The following MFN1 variants were observed in gnomAD, a reference collection of about 807,000 sequenced individuals.
MFN1 encodes mitofusin-1.
In MFN1, 65 loss-of-function variants were observed where a neutral mutation model predicts 92.4. The observed-to-expected ratio is 0.70, with a 90% confidence interval of 0.58 to 0.86. The LOEUF is 0.86. Among genes scored for constraint, MFN1 ranks in the 40% least tolerant of loss-of-function variants. The pLI, the probability that MFN1 is intolerant of heterozygous loss-of-function variation, is 0.00. For missense variants in MFN1, 781 were observed against 868.0 expected (o/e 0.90, Z 1.26); for synonymous variants, 297 against 300.9 (o/e 0.99, Z 0.13).
chr3:179,387,391 CAA>C (rs1713725793), intron 16 of MFN1, among the ~76,000 whole-genome samples: 1 of 151,824 alleles, frequency 6.6e-6, no homozygotes, highest in African/African-American at 2.4e-5. Context: ...ACTAAAAACA[CAA>C]AAATTAGCCG....
At chr3:179,348,273 ATTGT>A (rs1016819510) in intron 1 of MFN1, among the ~76,000 whole-genome samples, 3 of 152,110 alleles carry the variant, frequency 2.0e-5, no homozygotes, top group African/African-American at 7.2e-5. Context: ...TTAGACCGTG[ATTGT>A]TTGTCTTTGG....
intron 7 of MFN1, among the ~76,000 whole-genome samples, chr3:179,365,814 T>C (rs1488117016): frequency 6.6e-6 from 1 of 152,250 alleles, no homozygotes; most frequent in African/African-American, 2.4e-5. Context: ...TTTAACGTGT[T>C]TGTCATATGT....
intron 3 of MFN1, among the ~76,000 whole-genome samples, chr3:179,356,349 G>A (rs978487485): frequency 2.0e-5 from 3 of 152,230 alleles, no homozygotes; most frequent in Admixed American, 2.0e-4. Context: ...TGGTTACGCT[G>A]GGAGAGTGGC....
At chr3:179,364,101 T>C (rs975492902) in intron 5 of MFN1, among the ~76,000 whole-genome samples, 196 bp from the exon 6 acceptor site, 2 of 152,152 alleles carry the variant, frequency 1.3e-5, no homozygotes, top group Non-Finnish European at 2.9e-5. Context: ...AGCATAAACA[T>C]TAAAAAGATT....
rs767544210 is a variant in MFN1 at position 179,386,491 on chromosome 3, T to A, written c.1874T>A (p.Leu625Ter). The A allele has an allele frequency of 6.2e-7, 1 of 1,613,980 alleles. No homozygotes were observed. The highest frequency in any genetic ancestry group is 2.2e-5 in the East Asian group (1 of 44,886). ...LSVSLTMYGA[L>*]YLYERLSWTT... Reference sequence around the variant, plus strand: ...GTTTCATTAACTATGTATGGAGCTTTGTATCTTTATGAAAGACTGAGCTGG... The same window carrying A: ...GTTTCATTAACTATGTATGGAGCTTAGTATCTTTATGAAAGACTGAGCTGG... The change falls in exon 16 of 18, where the codon TTG becomes TAG. Residue 625 changes from leucine (L) to a stop codon, truncating the protein, a stop_gained. Transcript: ENST00000471841. LOFTEE classifies it high-confidence loss of function.
At chr3:179,378,042 A>G (rs538601767) in intron 12 of MFN1, among the ~76,000 whole-genome samples, 1 of 152,236 alleles carries the variant, frequency 6.6e-6, no homozygotes, top group East Asian at 1.9e-4. Flanking sequence ...CCTGGGCAAC[A>G]AGAGCAAAAC....
At chr3:179,379,617 G>T (rs939418709) in intron 14 of MFN1, among the ~76,000 whole-genome samples, 2 of 152,294 alleles carry the variant, frequency 1.3e-5, no homozygotes, top group South Asian at 4.1e-4. Context: ...GCCTCCCAAA[G>T]TGTTGGGATT....
Position 179,351,927 on chromosome 3 carries a change from G to A in MFN1, c.140G>A (p.Arg47Gln), listed in dbSNP as rs187323205. The A allele has an allele frequency of 6.9e-5, 110 of 1,604,570 alleles. No individual in the cohort carries two copies. In the East Asian group the frequency reaches 2.2e-3, roughly 32 times the overall value. Reference protein sequence around the residue: ...EATYKNPELDRIATEDDLVEM... With the variant: ...EATYKNPELDQIATEDDLVEM... ...ACATATAAGAATCCGGAACTTGATC[G>A]AATAGCCACTGAAGATGATCTGGTA... Residue 47 changes from arginine (R) to glutamine (Q), a missense_variant, in exon 3 of 18, where the codon CGA becomes CAA. Coordinates refer to ENST00000471841, the MANE Select transcript of MFN1 (RefSeq NM_033540.3).
At chr3:179,373,103 A>G (rs992811908) in intron 9 of MFN1, among the ~76,000 whole-genome samples, 1 of 152,212 alleles carries the variant, frequency 6.6e-6, no homozygotes, top group South Asian at 2.1e-4. Context: ...GAAAAAATGA[A>G]GCTAGGCAAT....
chr3:179,365,229 AG>A lies in MFN1; in HGVS notation c.753+5del, dbSNP rs760129151. ...AGAGCCAGAATATATGGAAGACGTA[AG>A]TTGTTATTTTTTTTTTTGTAGGTTT... On this transcript the variant is annotated splice_donor_5th_base_variant and intron_variant, in intron 7 of 17. Transcript: ENST00000471841. 4 of 1,508,200 alleles carry A rather than the reference AG, an allele frequency of 2.7e-6. No individual in the cohort carries two copies. The highest frequency in any genetic ancestry group is 8.9e-7 in the Non-Finnish European group (1 of 1,129,092). 93.4% of individuals were successfully genotyped at this position (1,508,200 alleles called of 1,614,324 possible).
Position 179,384,469 on chromosome 3 carries a change from A to T in MFN1, c.1663-1100A>T, listed in dbSNP as rs1287295433. ...ATCTTCTTTTGTGAAATGTCTATTC[A>T]AAGCTTTTACCTATTTTTAAATTAT... On this transcript the variant is annotated intron_variant, in intron 14 of 17. Transcript: ENST00000471841. Among the ~76,000 whole-genome samples, 3 of 150,734 alleles carry T rather than the reference A, an allele frequency of 2.0e-5. No homozygotes were observed. The East Asian group carries it at 5.8e-4, about 29-fold the overall frequency.
chr3:179,379,143 A>C (rs1713369597), intron 14 of MFN1, among the ~76,000 whole-genome samples: 1 of 143,926 alleles, frequency 6.9e-6, no homozygotes, highest in African/African-American at 2.5e-5. Context: ...TTCTAGCTGC[A>C]ATATATCTTT....
chr3:179,349,838 T>A (rs1057480168), intron 2 of MFN1, among the ~76,000 whole-genome samples: 3 of 151,652 alleles, frequency 2.0e-5, no homozygotes, highest in African/African-American at 7.3e-5. Context: ...ACTGTTGAAA[T>A]TTTTTCTGGT....
rs765314569 is a variant in MFN1, at chr3:179,386,470, C to T, written c.1853C>T (p.Ser618Leu). ...KTIGWKLLSV[S>L]LTMYGALYLY... The stretch of plus-strand genomic sequence containing the variant: ...ATAGGCTGGAAACTCCTATCTGTTT[C>T]ATTAACTATGTATGGAGCTTTGTAT... The change falls in exon 16 of 18, where the codon TCA (serine) becomes TTA (leucine). Residue 618 changes from serine (S) to leucine (L), a missense_variant. Coordinates refer to ENST00000471841, the MANE Select transcript of MFN1 (RefSeq NM_033540.3). 5.6e-6 allele frequency: 9 copies of T among 1,613,268 alleles called. No homozygotes were observed. The African/African-American group carries it at 8.0e-5, about 14-fold the overall frequency.
At chr3:179,382,593 G>A (rs1713513671) in intron 14 of MFN1, among the ~76,000 whole-genome samples, 1 of 152,208 alleles carries the variant, frequency 6.6e-6, no homozygotes, top group South Asian at 2.1e-4. Context: ...ACCCAGTAAT[G>A]GGATGGCTGG....
chr3:179,353,291 A>G (rs572994776), intron 3 of MFN1, among the ~76,000 whole-genome samples: 277 of 134,602 alleles, frequency 2.1e-3, no homozygotes, highest in Admixed American at 3.4e-3. Context: ...GTCTCGAACT[A>G]CTGAGCCCAG....
chr3:179,348,642 G>A, intron 1 of MFN1: 1 of 656,054 alleles, frequency 1.5e-6, no homozygotes, highest in Non-Finnish European at 2.2e-6. Flanking sequence ...TTGGCTAATA[G>A]ATTTCACTTA....
In MFN1 at chr3:179,377,081, A is replaced by G; in HGVS notation, c.1137A>G (p.Arg379=). 6.2e-7 allele frequency: 1 copy of G among 1,613,842 alleles called. No homozygotes were observed. Among genetic ancestry groups the G allele is most frequent in the Non-Finnish European group, 8.5e-7 (1 of 1,179,826 alleles). The part of the protein sequence containing the change: ...SVEEREDQID[R]LDFIRNQMNL... ...AAGAGAGGGAAGACCAAATTGATAG[A>G]CTGGACTTTATTCGAAACCAGATGA... Residue 379 remains arginine, a synonymous_variant, in exon 11 of 18, where the codon AGA becomes AGG. Transcript: ENST00000471841.
chr3:179,383,778 A>G (rs1336819460), intron 14 of MFN1, among the ~76,000 whole-genome samples: 4 of 152,164 alleles, frequency 2.6e-5, no homozygotes, highest in African/African-American at 9.7e-5. Flanking sequence ...TCCAACTTAC[A>G]AAGGATGTGA....
Sources: allele counts gnomAD v4.1 joint callset (sites outside exome capture counted in the v4.1 genomes callset), GRCh38; gene constraint gnomAD v4.1.1; transcripts MANE v1.5; gene names NCBI Gene and HGNC (gene_info 2026-07-23, HGNC 2026-07-21).